Variants in DMBT1 observed in about 807,000 individuals in gnomAD.
DMBT1 encodes scavenger receptor cysteine-rich domain-containing protein DMBT1.
DMBT1 carries 198 observed loss-of-function variants against 252.9 expected under a neutral mutation model. The ratio of observed to expected loss-of-function variants is 0.78; its 90% CI spans 0.70 to 0.88. The LOEUF (loss-of-function observed/expected upper bound fraction) is 0.88, where lower values mean the gene tolerates loss of function less well. DMBT1 is among the 40% of genes least tolerant of loss of function. The pLI is 0.00. For missense variants in DMBT1, 2,432 were observed against 2,404.7 expected (o/e 1.01, Z -0.24); for synonymous variants, 990 against 942.7 (o/e 1.05, Z -0.92).
intron 6 of DMBT1, 62 bp downstream of exon 6, chr10:122,573,824 T>G (rs1264382440): frequency 6.3e-7 from 1 of 1,584,036 alleles, no homozygotes; most frequent in Non-Finnish European, 8.7e-7. Context: ...TAGGTTAATC[T>G]CTGATTCAGA....
chr10:122,561,856 C>G (rs1468048238), intron 1 of DMBT1, among the ~76,000 whole-genome samples: 2 of 150,534 alleles, frequency 1.3e-5, no homozygotes, highest in African/African-American at 2.5e-5. Context: ...CTGTTTCTCT[C>G]TCCATCTCTC....
chr10:122,600,673 C>G (rs575788399), intron 27 of DMBT1, among the ~76,000 whole-genome samples: 4 of 152,118 alleles, frequency 2.6e-5, no homozygotes, highest in Non-Finnish European at 5.9e-5. Flanking sequence ...TGCCAGTGTC[C>G]GAGCCTCAGC....
rs2097899386 is a variant in DMBT1 at position 122,597,971 on chromosome 10, C to T, written c.2918-3C>T. 6.2e-7 allele frequency: 1 copy of T among 1,613,800 alleles called. No homozygotes were observed. Among genetic ancestry groups the T allele is most frequent in the South Asian group, 1.1e-5 (1 of 91,074 alleles). Reference sequence around the variant, plus strand: ...CTAGCCTTTGTCTCTGTTGCAATTACAGACACATTGCCGACCATCACCTTG... The same window carrying T: ...CTAGCCTTTGTCTCTGTTGCAATTATAGACACATTGCCGACCATCACCTTG... On this transcript the variant is annotated splice_region_variant and splice_polypyrimidine_tract_variant and intron_variant, in intron 24 of 55. Transcript: ENST00000338354.
In DMBT1 at chr10:122,592,567, T is replaced by A; in HGVS notation, c.2472T>A (p.His824Gln). Residue 824 changes from histidine (H) to glutamine (Q), a missense_variant, in exon 20 of 56, where the codon CAT (histidine) becomes CAA (glutamine). By Grantham distance (24) the His-to-Gln change is conservative. Transcript: ENST00000338354. ...HNGWLSHNCGHHEDAGVICSV... is the reference protein window; with the variant it reads ...HNGWLSHNCGQHEDAGVICSV... Reference sequence around the variant, plus strand: ...GCTGGCTCTCCCACAACTGTGGCCATCATGAAGATGCTGGTGTCATCTGCT... The same window carrying A: ...GCTGGCTCTCCCACAACTGTGGCCAACATGAAGATGCTGGTGTCATCTGCT... 2.5e-6 allele frequency: 4 copies of A among 1,588,488 alleles called. No homozygotes were observed. In the East Asian group the frequency reaches 9.4e-5, roughly 37 times the overall value.
At position 122,631,925 on chromosome 10, in the gene DMBT1, A is replaced by C. The variant is rs2098168466; in HGVS notation, c.6367+50A>C. ...ACTTCCCTGGTCTCCAGGTCTCTCC[A>C]TTACTGCTGCCTAGACTGTGCAGGG... On this transcript the variant is annotated intron_variant, in intron 50 of 55. Transcript: ENST00000338354. 1.9e-6 allele frequency: 3 copies of C among 1,593,444 alleles called. No individual in the cohort carries two copies. In the South Asian group the frequency reaches 3.3e-5, roughly 18 times the overall value.
chr10:122,564,923 C>T (rs2981764), intron 1 of DMBT1, among the ~76,000 whole-genome samples: 101,705 of 151,754 alleles, frequency 0.67, 34,424 homozygotes, highest in East Asian at 0.77. Context: ...AAACATCTTC[C>T]CTTGTCAGTT....
chr10:122,560,908 C>T, intron 1 of DMBT1, 77 bp downstream of exon 1: 1 of 1,132,522 alleles, frequency 8.8e-7, no homozygotes, highest in Non-Finnish European at 1.3e-6. Context: ...TACTACTTTC[C>T]ATTACAAGGG....
Position 122,625,308 on chromosome 10 carries a change from G to C in DMBT1, c.5635+5G>C. On this transcript the variant is annotated splice_donor_5th_base_variant and intron_variant, in intron 45 of 55. Transcript: ENST00000338354. ...AAATAAATTCTACTACGACAGGTGA[G>C]TCTGCTACACCCCAGTCCAGCAATA... 2 of 1,610,148 alleles carry C rather than the reference G, an allele frequency of 1.2e-6. No individual in the cohort carries two copies. Among genetic ancestry groups the C allele is most frequent in the Non-Finnish European group, 1.7e-6 (2 of 1,177,958 alleles).
chr10:122,631,209 T>C lies in DMBT1; in HGVS notation c.6274T>C (p.Trp2092Arg), dbSNP rs1565976225. The C allele has an allele frequency of 1.2e-6, 2 of 1,613,910 alleles. No individual in the cohort carries two copies. The highest frequency in any genetic ancestry group is 1.7e-5 in the Admixed American group (1 of 60,012). ...GTGCTCAGGGACGGAATCCACTCTC[T>C]GGCAGTGCCGGAACCGAGGCTGGTT... ...VECSGTESTL[W>R]QCRNRGWFSH... Residue 2092 changes from tryptophan (W) to arginine (R), a missense_variant, in exon 49 of 56, where the codon TGG (tryptophan) becomes CGG (arginine). Physicochemically the swap from Trp to Arg is moderately radical, Grantham distance 101 (BLOSUM62 -3). Transcript: ENST00000338354.
chr10:122,643,215 CCCCT>C lies in DMBT1; in HGVS notation c.7449_7452del (p.Ser2484CysfsTer25), dbSNP rs1188177075. 1 of 1,613,874 alleles carries C rather than the reference CCCCT, an allele frequency of 6.2e-7. No homozygotes were observed. Among genetic ancestry groups the C allele is most frequent in the Non-Finnish European group, 8.5e-7 (1 of 1,179,890 alleles). On this transcript the variant is annotated frameshift_variant, in exon 56 of 56. Coordinates refer to ENST00000338354, the MANE Select transcript of DMBT1 (RefSeq NM_001377530.1). LOFTEE classifies it low-confidence loss of function (END_TRUNC). Reference sequence around the variant, plus strand: ...GGGCCTTCCACTTCCTGAACCGCTTCCCCTCCGTGTACCTGCGTTGTAAAATGGT... The same window carrying C: ...GGGCCTTCCACTTCCTGAACCGCTTCCCGTGTACCTGCGTTGTAAAATGGT...
intron 5 of DMBT1, among the ~76,000 whole-genome samples, 190 bp downstream of exon 5, chr10:122,572,551 T>A (rs1182529531): frequency 6.6e-6 from 1 of 152,242 alleles, no homozygotes; most frequent in Non-Finnish European, 1.5e-5. Flanking sequence ...CGAGCACGTT[T>A]GTACACGTGT....
In DMBT1 at chr10:122,618,321, T is replaced by C. The variant is rs140118852; in HGVS notation, c.5196T>C (p.Asp1732=). The C allele has an allele frequency of 8.7e-3, 14,037 of 1,613,844 alleles. 591 individuals are homozygous for C. The East Asian group carries it at 0.12, about 13-fold the overall frequency. Residue 1732 remains aspartate, a synonymous_variant, in exon 41 of 56, where the codon GAT becomes GAC. Transcript: ENST00000338354. ...CCCACAACTGTGGCCATCATGAAGA[T>C]GCTGGTGTCATCTGCTCAGGTGGGC... The part of the protein sequence containing the change: ...WLSHNCGHHE[D]AGVICSAAQS...
chr10:122,598,152 T>A, intron 25 of DMBT1, 140 bp downstream of exon 25: 1 of 1,295,638 alleles, frequency 7.7e-7, no homozygotes, highest in African/African-American at 1.5e-5. Context: ...GAAGGTAGCG[T>A]CTCTGGGGAC....
At chr10:122,569,819 A>T (rs1437424890) in intron 2 of DMBT1, among the ~76,000 whole-genome samples, 2 of 152,176 alleles carry the variant, frequency 1.3e-5, no homozygotes. Flanking sequence ...AATGTTTGTC[A>T]TTTGAGGGTG....
chr10:122,599,401 G>C (rs151333304), intron 26 of DMBT1, among the ~76,000 whole-genome samples: 4,023 of 152,254 alleles, frequency 0.026, 181 homozygotes, highest in African/African-American at 0.09. Flanking sequence ...TGAGTAGCAC[G>C]GTGTGAGGGT....
intron 5 of DMBT1, 140 bp from the exon 6 acceptor site, chr10:122,573,575 C>T (rs1391981921): frequency 1.3e-5 from 14 of 1,045,638 alleles, no homozygotes; most frequent in Non-Finnish European, 1.9e-5. Flanking sequence ...AAGCGATTGG[C>T]ACATGGTTGG....
At chr10:122,565,113 T>A (rs1221743280) in intron 1 of DMBT1, among the ~76,000 whole-genome samples, 1 of 152,230 alleles carries the variant, frequency 6.6e-6, no homozygotes, top group Non-Finnish European at 1.5e-5. Context: ...TTCATCTTCC[T>A]TCTAGGCAAC....
chr10:122,567,446 T>C (rs750091778), intron 2 of DMBT1, among the ~76,000 whole-genome samples: 3 of 152,158 alleles, frequency 2.0e-5, no homozygotes, highest in African/African-American at 7.2e-5. Flanking sequence ...AAGTCCAGAA[T>C]GTACTTTGGG....
chr10:122,577,861 C>T (rs1210574170), intron 8 of DMBT1, 21 bp downstream of exon 8: 8 of 1,613,244 alleles, frequency 5.0e-6, no homozygotes, highest in East Asian at 2.2e-5. Flanking sequence ...AGAATCCTTC[C>T]TCGGGATACC....
Sources: gnomAD v4.1 joint callset for allele counts (sites outside exome capture counted in the v4.1 genomes callset) on GRCh38, gnomAD v4.1.1 for gene constraint, MANE v1.5 for transcripts, NCBI Gene and HGNC (gene_info 2026-07-23, HGNC 2026-07-21) for gene names.